CDH8: variants seen among roughly 807,000 people sequenced by gnomAD.
CDH8 encodes the protein cadherin-8.
In CDH8, 17 loss-of-function variants were observed where a neutral mutation model predicts 68.1. The observed-to-expected ratio is 0.25, with a 90% CI of 0.17 to 0.37. The LOEUF is 0.37. Among genes scored for constraint, CDH8 ranks in the 10% least tolerant of loss-of-function variants. The pLI, the probability that CDH8 is intolerant of heterozygous loss-of-function variation, is 1.00. For missense variants in CDH8, 763 were observed against 999.3 expected (o/e 0.76, Z 3.19); for synonymous variants, 372 against 365.1 (o/e 1.02, Z -0.21).
intron 10 of CDH8, among the ~76,000 whole-genome samples, chr16:61,674,269 A>G (rs1963852091): frequency 6.6e-6 from 1 of 152,108 alleles, no homozygotes; most frequent in South Asian, 2.1e-4. Context: ...CCTGGCCAAC[A>G]TGGTGAAACT....
At chr16:61,868,899 A>C (rs562063075) in intron 3 of CDH8, among the ~76,000 whole-genome samples, 1 of 152,280 alleles carries the variant, frequency 6.6e-6, no homozygotes, top group Non-Finnish European at 1.5e-5. Context: ...AGAATGATTA[A>C]GGTTGTGCCA....
chr16:61,792,651 G>A (rs1961405708), intron 7 of CDH8, among the ~76,000 whole-genome samples: 2 of 151,946 alleles, frequency 1.3e-5, no homozygotes, highest in Admixed American at 6.6e-5. Context: ...CTGTTAAACA[G>A]CGGAACCAGA....
At chr16:61,953,431 TGTC>T (rs1315122430) in intron 2 of CDH8, among the ~76,000 whole-genome samples, 3 of 152,138 alleles carry the variant, frequency 2.0e-5, no homozygotes, top group African/African-American at 7.2e-5. Flanking sequence ...TAAAATAACT[TGTC>T]ATATTGTTAT....
chr16:61,865,024 C>A (rs189886238), intron 3 of CDH8, among the ~76,000 whole-genome samples: 1 of 152,166 alleles, frequency 6.6e-6, no homozygotes, highest in Non-Finnish European at 1.5e-5. Context: ...AGTTCCCTAT[C>A]TTTCTTTTTT....
intron 2 of CDH8, among the ~76,000 whole-genome samples, chr16:61,948,836 C>T (rs778491701): frequency 1.1e-4 from 16 of 152,140 alleles, no homozygotes; most frequent in Non-Finnish European, 1.2e-4. Flanking sequence ...ACTCTTCTTT[C>T]GAATCGCATA....
At chr16:61,998,903 A>G (rs1333766342) in intron 2 of CDH8, among the ~76,000 whole-genome samples, 4 of 152,124 alleles carry the variant, frequency 2.6e-5, no homozygotes, top group African/African-American at 7.2e-5. Context: ...TACAGAGGGG[A>G]AAAAAAGGAC....
intron 2 of CDH8, among the ~76,000 whole-genome samples, chr16:61,919,917 G>A (rs1964329029): frequency 6.6e-6 from 1 of 152,144 alleles, no homozygotes; most frequent in African/African-American, 2.4e-5. Context: ...ATAGATCAAT[G>A]AAACAGAACA....
intron 2 of CDH8, among the ~76,000 whole-genome samples, chr16:61,935,803 A>T (rs898437633): frequency 1.3e-5 from 2 of 152,190 alleles, no homozygotes; most frequent in Admixed American, 6.5e-5. Flanking sequence ...ATGCAGTATA[A>T]CATCATGGGT....
chr16:61,852,524 A>G (rs1962957269), intron 4 of CDH8, among the ~76,000 whole-genome samples: 1 of 152,096 alleles, frequency 6.6e-6, no homozygotes, highest in African/African-American at 2.4e-5. Flanking sequence ...CTATTTTTGC[A>G]AATACTAGAA....
intron 3 of CDH8, among the ~76,000 whole-genome samples, chr16:61,896,004 A>T (rs538440063): frequency 6.4e-4 from 98 of 152,278 alleles, no homozygotes; most frequent in African/African-American, 2.3e-3. Flanking sequence ...AAGTAAAAAA[A>T]AAAAAGTTCA....
At chr16:61,865,463 G>C (rs942298313) in intron 3 of CDH8, among the ~76,000 whole-genome samples, 2 of 152,150 alleles carry the variant, frequency 1.3e-5, no homozygotes, top group African/African-American at 2.4e-5. Context: ...CATTGGGTGA[G>C]AGAAATGGAA....
chr16:61,759,919 C>A (rs1046844782), intron 8 of CDH8, among the ~76,000 whole-genome samples: 5 of 152,056 alleles, frequency 3.3e-5, no homozygotes, highest in African/African-American at 1.2e-4. Context: ...GCTGCTTGGA[C>A]CTTAAGAAAA....
chr16:61,661,135 A>T (rs527310546), intron 10 of CDH8, among the ~76,000 whole-genome samples: 1 of 152,178 alleles, frequency 6.6e-6, no homozygotes, highest in South Asian at 2.1e-4. Flanking sequence ...TGAGCATAAA[A>T]TATCTAGAAA....
chr16:61,726,938 G>GA (rs1959390581), intron 9 of CDH8, 156 bp downstream of exon 9: 25 of 767,428 alleles, frequency 3.3e-5, no homozygotes, highest in Non-Finnish European at 5.2e-5. Flanking sequence ...ATCTGATGGA[G>GA]AAAAAAAATT....
At chr16:61,761,670 G>T (rs1005402361) in intron 8 of CDH8, among the ~76,000 whole-genome samples, 1 of 152,132 alleles carries the variant, frequency 6.6e-6, no homozygotes, top group Non-Finnish European at 1.5e-5. Context: ...CTTCCTGTGG[G>T]TTATGTACTG....
At chr16:61,753,397 G>A (rs977682074) in intron 8 of CDH8, among the ~76,000 whole-genome samples, 16 of 151,884 alleles carry the variant, frequency 1.1e-4, no homozygotes, top group African/African-American at 3.4e-4. Context: ...GTGCCACCAC[G>A]CCCATCTAAT....
At chr16:61,883,126 G>A (rs1376043995) in intron 3 of CDH8, among the ~76,000 whole-genome samples, 4 of 152,068 alleles carry the variant, frequency 2.6e-5, no homozygotes, top group African/African-American at 9.7e-5. Flanking sequence ...GGCAGGTATG[G>A]TTAAGAAAGA....
chr16:61,880,477 C>A (rs1313356703), intron 3 of CDH8, among the ~76,000 whole-genome samples: 1 of 152,150 alleles, frequency 6.6e-6, no homozygotes, highest in Non-Finnish European at 1.5e-5. Context: ...TGGAGAAACA[C>A]TGAAGCTCAT....
chr16:61,998,118 A>G (rs544058582), intron 2 of CDH8, among the ~76,000 whole-genome samples: 1 of 152,212 alleles, frequency 6.6e-6, no homozygotes, highest in African/African-American at 2.4e-5. Flanking sequence ...ATGGAAAAAA[A>G]TATCCCCAAC....
Sources: allele counts gnomAD v4.1 joint callset (sites outside exome capture counted in the v4.1 genomes callset), GRCh38; gene constraint gnomAD v4.1.1; transcripts MANE v1.5; gene names NCBI Gene and HGNC (gene_info 2026-07-23, HGNC 2026-07-21).